The following CPNE1 variants were observed in gnomAD, a reference collection of about 807,000 sequenced individuals.
CPNE1 encodes the protein copine 1.
CPNE1 carries 58 observed loss-of-function variants against 63.2 expected under a neutral mutation model. The ratio of observed to expected loss-of-function variants is 0.92; its 90% confidence interval spans 0.74 to 1.14. The LOEUF is 1.14. CPNE1 is among the 50% of genes most tolerant of loss of function. The pLI is 0.00. For synonymous variants in CPNE1, 237 were observed against 249.0 expected, an observed-to-expected ratio of 0.95 and a Z score of 0.45; for missense variants, 672 against 661.7, an observed-to-expected ratio of 1.02 and a Z score of -0.17.
intron 13 of CPNE1, among the ~76,000 whole-genome samples, chr20:35,628,420 G>A (rs1432913809): frequency 6.6e-6 from 1 of 152,034 alleles, no homozygotes; most frequent in Non-Finnish European, 1.5e-5. Flanking sequence ...TACTTGTATA[G>A]TGGAGAAACC....
chr20:35,663,831 T>TCC (rs959327831), intron 1 of CPNE1, among the ~76,000 whole-genome samples: 1 of 152,094 alleles, frequency 6.6e-6, no homozygotes, highest in Non-Finnish European at 1.5e-5. Flanking sequence ...TCAAAGTCCC[T>TCC]CCCACCACCC....
intron 1 of CPNE1, among the ~76,000 whole-genome samples, chr20:35,656,406 G>C (rs1212493722): frequency 2.6e-5 from 4 of 152,156 alleles, no homozygotes; most frequent in African/African-American, 9.7e-5. Context: ...GCTTCTAAGA[G>C]CAAATTCAAG....
Position 35,626,191 on chromosome 20 carries a change from G to A in CPNE1, c.*50C>T. 1.2e-6 allele frequency: 2 copies of A among 1,604,478 alleles called. No individual in the cohort carries two copies. The highest frequency in any genetic ancestry group is 1.7e-6 in the Non-Finnish European group (2 of 1,171,490). On this transcript the variant is annotated 3_prime_UTR_variant, in exon 16 of 16. Coordinates refer to ENST00000397443, the MANE Select transcript of CPNE1 (RefSeq NM_152925.3). ...GAGAAGGGTTGGGTTGTGGCCCAGAGGGACCTCTGGGACACAGGATTGAGG... is the reference window on the plus strand; with the variant it reads ...GAGAAGGGTTGGGTTGTGGCCCAGAAGGACCTCTGGGACACAGGATTGAGG...
At chr20:35,653,541 A>G (rs1429979411) in intron 1 of CPNE1, 2 of 1,614,070 alleles carry the variant, frequency 1.2e-6, no homozygotes, top group Admixed American at 1.7e-5. Flanking sequence ...CATCATCTTC[A>G]TTTTTAAACT....
chr20:35,646,123 A>C (rs997667727), intron 1 of CPNE1, among the ~76,000 whole-genome samples: 1 of 141,946 alleles, frequency 7.0e-6, no homozygotes, highest in African/African-American at 2.8e-5. Flanking sequence ...TCTCTACAAA[A>C]AAATTAAAAA....
At chr20:35,626,464 C>T in intron 15 of CPNE1, 83 bp from the exon 16 acceptor site, 1 of 1,595,448 alleles carries the variant, frequency 6.3e-7, no homozygotes. Flanking sequence ...CCAACCATAT[C>T]CCAGGCTTAG....
rs1568913876 is a variant in CPNE1 at position 35,632,603 on chromosome 20, G to GT, written c.222dup (p.Arg75ThrfsTer6). ...TTGTCTATGTCATAGATTCCAAAGCGTAGCTTCTGGACTGTCTCAAAGCGG... is the reference window on the plus strand; with the variant it reads ...TTGTCTATGTCATAGATTCCAAAGCGTTAGCTTCTGGACTGTCTCAAAGCGG... On this transcript the variant is annotated frameshift_variant, in exon 3 of 16. Transcript: ENST00000397443. LOFTEE classifies it high-confidence loss of function. 2 of 1,604,918 alleles carry GT rather than the reference G, an allele frequency of 1.2e-6. No individual in the cohort carries two copies. Among genetic ancestry groups the GT allele is most frequent in the Non-Finnish European group, 1.7e-6 (2 of 1,171,788 alleles).
intron 1 of CPNE1, among the ~76,000 whole-genome samples, chr20:35,661,546 C>T (rs980034100): frequency 6.6e-6 from 1 of 152,200 alleles, no homozygotes; most frequent in Non-Finnish European, 1.5e-5. Context: ...AAGAAGCTGG[C>T]TTTAGTATGT....
At chr20:35,648,891 C>G (rs1441213208) in intron 1 of CPNE1, 1 of 152,588 alleles carries the variant, frequency 6.6e-6, no homozygotes, top group Non-Finnish European at 1.5e-5. Flanking sequence ...AAAACCCTGA[C>G]AAGATAATAT....
At chr20:35,655,892 T>C (rs1268727572) in intron 1 of CPNE1, among the ~76,000 whole-genome samples, 1 of 152,216 alleles carries the variant, frequency 6.6e-6, no homozygotes, top group Non-Finnish European at 1.5e-5. Flanking sequence ...TACTTAAGAC[T>C]AAAAGTAGAT....
At chr20:35,635,858 A>G (rs2032458374) in intron 1 of CPNE1, among the ~76,000 whole-genome samples, 1 of 152,180 alleles carries the variant, frequency 6.6e-6, no homozygotes. Context: ...GGAATGCTTC[A>G]GAGTTCAACT....
At chr20:35,662,274 A>T (rs1342505227) in intron 1 of CPNE1, among the ~76,000 whole-genome samples, 2 of 151,820 alleles carry the variant, frequency 1.3e-5, no homozygotes, top group African/African-American at 4.9e-5. Flanking sequence ...TGCTACCTTC[A>T]TTTTCACTTC....
At chr20:35,636,065 C>A (rs1392264088) in intron 1 of CPNE1, among the ~76,000 whole-genome samples, 1 of 152,174 alleles carries the variant, frequency 6.6e-6, no homozygotes, top group Non-Finnish European at 1.5e-5. Flanking sequence ...AAGGCCTTAC[C>A]CTATCTCCCT....
At chr20:35,654,479 G>C (rs746594206) in intron 1 of CPNE1, 23 of 1,614,066 alleles carry the variant, frequency 1.4e-5, no homozygotes, top group Non-Finnish European at 1.9e-5. Context: ...GGGTTAACAG[G>C]ATTCAACGGA....
intron 1 of CPNE1, chr20:35,652,393 A>C (rs1167433739): frequency 4.8e-6 from 5 of 1,045,730 alleles, no homozygotes; most frequent in South Asian, 3.2e-5. Flanking sequence ...CCAATGCTCT[A>C]TGTTATGGAA....
intron 1 of CPNE1, chr20:35,655,314 C>A: frequency 6.2e-7 from 1 of 1,607,138 alleles, no homozygotes; most frequent in Non-Finnish European, 8.5e-7. Flanking sequence ...AACGGATGAC[C>A]ACAGCCATGC....
intron 1 of CPNE1, among the ~76,000 whole-genome samples, chr20:35,638,518 G>A (rs2032616508): frequency 6.6e-6 from 1 of 152,140 alleles, no homozygotes; most frequent in East Asian, 1.9e-4. Flanking sequence ...CCAAATGCTG[G>A]CAAGGATATG....
intron 1 of CPNE1, chr20:35,653,201 G>A (rs768262198): frequency 3.7e-6 from 6 of 1,613,372 alleles, no homozygotes; most frequent in African/African-American, 1.3e-5. Flanking sequence ...CCTACAGTCA[G>A]GAAGGCATGC....
At chr20:35,650,653 T>C (rs370931109) in intron 1 of CPNE1, 6 of 152,606 alleles carry the variant, frequency 3.9e-5, no homozygotes, top group African/African-American at 9.7e-5. Flanking sequence ...ACCCACAACA[T>C]AGTCACCTCT....
Sources: allele counts gnomAD v4.1 joint callset (sites outside exome capture counted in the v4.1 genomes callset), GRCh38; gene constraint gnomAD v4.1.1; transcripts MANE v1.5; gene names NCBI Gene and HGNC (gene_info 2026-07-23, HGNC 2026-07-21).